Variants in ATP1B1 observed in about 807,000 individuals in gnomAD.
The protein encoded by ATP1B1 is ATPase Na+/K+ transporting subunit beta 1, also known as sodium/potassium-transporting ATPase subunit beta-1.
ATP1B1 carries 3 observed loss-of-function variants against 39.6 expected under a neutral mutation model. The ratio of observed to expected loss-of-function variants is 0.08; its 90% CI spans 0.03 to 0.20. The LOEUF is 0.20. Among genes scored for constraint, ATP1B1 ranks in the 10% least tolerant of loss-of-function variants. The pLI is 1.00. For synonymous variants in ATP1B1, 139 were observed against 135.0 expected (o/e 1.03, Z -0.20); for missense variants, 216 against 371.1 (o/e 0.58, Z 3.43).
chr1:169,123,719 C>T (rs1163789187), intron 2 of ATP1B1, among the ~76,000 whole-genome samples: 4 of 151,768 alleles, frequency 2.6e-5, no homozygotes, highest in Admixed American at 6.6e-5. Context: ...CTCCGCCTCC[C>T]GGGTTCAAGT....
chr1:169,114,246 G>A (rs1383183263), intron 2 of ATP1B1, among the ~76,000 whole-genome samples: 1 of 147,594 alleles, frequency 6.8e-6, no homozygotes, highest in African/African-American at 2.6e-5. Flanking sequence ...CAGACAAACA[G>A]TGTGTTTAAG....
chr1:169,107,557 G>A (rs1657625518), intron 1 of ATP1B1, among the ~76,000 whole-genome samples: 1 of 152,116 alleles, frequency 6.6e-6, no homozygotes, highest in Admixed American at 6.5e-5. Context: ...GCTTTGGCCC[G>A]AAACCTGGCA....
Position 169,130,031 on chromosome 1 carries a change from G to A in ATP1B1, c.589G>A (p.Glu197Lys), listed in dbSNP as rs1449992686. 1 of 1,613,918 alleles carries A rather than the reference G, an allele frequency of 6.2e-7. No individual in the cohort carries two copies. The highest frequency in any genetic ancestry group is 8.5e-7 in the Non-Finnish European group (1 of 1,179,978). Residue 197 changes from glutamate (E) to lysine (K), a missense_variant, in exon 5 of 6, where the codon GAG becomes AAG. By Grantham distance (56) the Glu-to-Lys change is moderately conservative (BLOSUM62 1). Transcript: ENST00000367815. ...TTAGCCTCCCAAGAATGAGTCCTTG[G>A]AGACTTACCCAGTGATGAAGTATAA... ...KPKPPKNESL[E>K]TYPVMKYNPN...
intron 3 of ATP1B1, among the ~76,000 whole-genome samples, chr1:169,126,582 A>G (rs1170391786): frequency 6.6e-6 from 1 of 152,142 alleles, no homozygotes; most frequent in African/African-American, 2.4e-5. Context: ...AGGGTGGCAC[A>G]CGCCTGTAGT....
In ATP1B1 at chr1:169,131,577, A is replaced by G; in HGVS notation, c.*22A>G. The G allele has an allele frequency of 6.3e-7, 1 of 1,588,318 alleles. No homozygotes were observed. Among genetic ancestry groups the G allele is most frequent in the South Asian group, 1.2e-5 (1 of 86,604 alleles). ...CTGATCACAAGCACAAATCTTTCCC[A>G]CTAGCCATTTAATAAGTTAAAAAAA... On this transcript the variant is annotated 3_prime_UTR_variant, in exon 6 of 6. Coordinates refer to ENST00000367815, the MANE Select transcript of ATP1B1 (RefSeq NM_001677.4). The surrounding 1 kb of genome is among the most constrained non-coding windows in gnomAD (Gnocchi z 4.4).
At chr1:169,129,269 A>C (rs2101793872) in intron 4 of ATP1B1, among the ~76,000 whole-genome samples, 1 of 152,332 alleles carries the variant, frequency 6.6e-6, no homozygotes, top group South Asian at 2.1e-4. Context: ...GATCTGAGTA[A>C]GCAAGTGACT....
chr1:169,130,927 G>A (rs1458376879), intron 5 of ATP1B1, among the ~76,000 whole-genome samples: 2 of 152,238 alleles, frequency 1.3e-5, no homozygotes, highest in South Asian at 2.1e-4. Flanking sequence ...CACCAAGCAA[G>A]GAAGTGGAGA....
In ATP1B1 at chr1:169,132,045, T is replaced by TTTTTGGTC; in HGVS notation, c.*493_*494insTGGTCTTT. The TTTTTGGTC allele has an allele frequency of 3.8e-6, 1 of 264,166 alleles. No individual in the cohort carries two copies. 16.4% of individuals were successfully genotyped at this position (264,166 alleles called of 1,614,324 possible). On this transcript the variant is annotated 3_prime_UTR_variant, in exon 6 of 6. Transcript: ENST00000367815. ...TTTTTTTTTTTTTTTTTTTTTTGTTTTTTGGCTCTTTCAAAGGTAATGGCC... is the reference window on the plus strand; with the variant it reads ...TTTTTTTTTTTTTTTTTTTTTTGTTTTTTTGGTCTTTGGCTCTTTCAAAGGTAATGGCC...
At chr1:169,116,295 T>G (rs1657846078) in intron 2 of ATP1B1, among the ~76,000 whole-genome samples, 1 of 152,196 alleles carries the variant, frequency 6.6e-6, no homozygotes, top group South Asian at 2.1e-4. Flanking sequence ...TCCGGGAGAT[T>G]CCCAGCTGGC....
intron 2 of ATP1B1, among the ~76,000 whole-genome samples, chr1:169,119,267 C>T (rs1449703139): frequency 6.6e-6 from 1 of 151,906 alleles, no homozygotes; most frequent in Non-Finnish European, 1.5e-5. Flanking sequence ...ATTATGATTT[C>T]TGCCTCTTCA....
intron 2 of ATP1B1, among the ~76,000 whole-genome samples, chr1:169,114,950 C>T (rs1020486616): frequency 4.7e-5 from 7 of 149,150 alleles, no homozygotes; most frequent in African/African-American, 1.3e-4. Context: ...CCAGCACTTC[C>T]GAGGCAGGCG....
intron 2 of ATP1B1, among the ~76,000 whole-genome samples, chr1:169,122,474 TTACAA>T (rs1657997145): frequency 2.0e-5 from 3 of 152,220 alleles, no homozygotes; most frequent in Admixed American, 2.0e-4. Flanking sequence ...TCTCTTCTCT[TTACAA>T]TACTGCTGTT....
chr1:169,130,441 TA>T (rs35742469), intron 5 of ATP1B1, among the ~76,000 whole-genome samples: 19,965 of 151,276 alleles, frequency 0.13, 2,626 homozygotes, highest in East Asian at 0.73. Context: ...GGGCCAACAT[TA>T]AAAAAAAATT....
In ATP1B1 at chr1:169,127,415, A is replaced by G. The variant is rs200924046; in HGVS notation, c.567+7A>G. 824 of 1,603,268 alleles carry G rather than the reference A, an allele frequency of 5.1e-4. No homozygotes were observed. The highest frequency in any genetic ancestry group is 6.6e-4 in the Non-Finnish European group (779 of 1,176,382). ...TCTAGGCTTCAAACCTAAGGCAAGT[A>G]ATATTTTAAATGATAGAATTTAGAT... On this transcript the variant is annotated splice_region_variant and intron_variant, in intron 4 of 5. Coordinates refer to ENST00000367815, the MANE Select transcript of ATP1B1 (RefSeq NM_001677.4).
chr1:169,106,802 C>T lies in ATP1B1; in HGVS notation c.-28C>T. ...GCGCCGCAGCCACCCACCCTCCGGA[C>T]CGCGGCAGCTGCTGACCCGCCATCG... On this transcript the variant is annotated 5_prime_UTR_variant, in exon 1 of 6. Transcript: ENST00000367815. 1 of 1,558,038 alleles carries T rather than the reference C, an allele frequency of 6.4e-7. No individual in the cohort carries two copies. The highest frequency in any genetic ancestry group is 8.7e-7 in the Non-Finnish European group (1 of 1,154,054).
At chr1:169,128,685 A>C (rs907187194) in intron 4 of ATP1B1, among the ~76,000 whole-genome samples, 1 of 152,262 alleles carries the variant, frequency 6.6e-6, no homozygotes, top group African/African-American at 2.4e-5. Context: ...ATTTAGCAGC[A>C]AAAGAAATTG....
Position 169,106,985 on chromosome 1 carries a change from C to A in ATP1B1, c.97+59C>A, listed in dbSNP as rs1406807267. 6 of 1,486,536 alleles carry A rather than the reference C, an allele frequency of 4.0e-6. No individual in the cohort carries two copies. The African/African-American group carries it at 4.4e-5, about 11-fold the overall frequency. 92.1% of individuals were successfully genotyped at this position (1,486,536 alleles called of 1,614,324 possible). A position where few individuals can be genotyped will look rare whatever the true frequency, so the allele number is the denominator to read the frequency against. On this transcript the variant is annotated intron_variant, in intron 1 of 5. Transcript: ENST00000367815. ...GTCTGATCTTTCCCGGGCGGCGCAT[C>A]CCCTGCGCAGGGTCCGCGGCCGGTT...
Position 169,132,585 on chromosome 1 carries a change from A to ATAGAC in ATP1B1, c.*1032_*1036dup. ...TTTATAAAAAGCAATGCAGTACCCC[A>ATAGAC]TAGACTGGTGTTAAATGTTGTCTAC... On this transcript the variant is annotated 3_prime_UTR_variant, in exon 6 of 6. Transcript: ENST00000367815. 1 of 510,268 alleles carries ATAGAC rather than the reference A, an allele frequency of 2.0e-6. No individual in the cohort carries two copies. Among genetic ancestry groups the ATAGAC allele is most frequent in the East Asian group, 3.2e-5 (1 of 31,034 alleles). The allele number at this position is 510,268 out of a possible 1,614,324, so 31.6% of individuals were successfully genotyped here. A position where few individuals can be genotyped will look rare whatever the true frequency, so the allele number is the denominator to read the frequency against.
chr1:169,121,043 G>A (rs1329272303), intron 2 of ATP1B1, among the ~76,000 whole-genome samples: 1 of 151,502 alleles, frequency 6.6e-6, no homozygotes, highest in Non-Finnish European at 1.5e-5. Flanking sequence ...TGCCTCTTGG[G>A]CTCAAGCGAT....
Sources: gnomAD v4.1 joint callset for allele counts (sites outside exome capture counted in the v4.1 genomes callset) on GRCh38, gnomAD v4.1.1 for gene constraint, Gnocchi (gnomAD v3.1) non-coding constraint, MANE v1.5 for transcripts, NCBI Gene and HGNC (gene_info 2026-07-23, HGNC 2026-07-21) for gene names.